Variants in SNTG1 observed in about 807,000 individuals in gnomAD.
SNTG1 encodes the protein gamma-1-syntrophin.
Under a neutral mutation model 74.7 loss-of-function variants are expected in SNTG1, and 39 were observed. The ratio of observed to expected loss-of-function variants is 0.52; its 90% CI spans 0.40 to 0.68. The LOEUF (loss-of-function observed/expected upper bound fraction) is 0.68. Among genes scored for constraint, SNTG1 ranks in the 30% least tolerant of loss-of-function variants. The pLI, the probability that SNTG1 is intolerant of heterozygous loss-of-function variation, is 0.00. For missense variants in SNTG1, 685 were observed against 609.5 expected, an observed-to-expected ratio of 1.12 and a Z score of -1.30; for synonymous variants, 254 against 217.1, an observed-to-expected ratio of 1.17 and a Z score of -1.49.
chr8:50,556,230 G>C (rs533649581), intron 12 of SNTG1, among the ~76,000 whole-genome samples: 16 of 152,212 alleles, frequency 1.1e-4, no homozygotes, highest in African/African-American at 3.6e-4. Flanking sequence ...GAAGGCTTTA[G>C]GGACTTGTCT....
chr8:50,469,873 G>A (rs2093638298), intron 8 of SNTG1, among the ~76,000 whole-genome samples: 1 of 152,114 alleles, frequency 6.6e-6, no homozygotes, highest in Admixed American at 6.5e-5. Flanking sequence ...CAGCTACTCG[G>A]GAGGCTGAGG....
chr8:50,189,410 T>C (rs1291145630), intron 2 of SNTG1, among the ~76,000 whole-genome samples: 1 of 152,106 alleles, frequency 6.6e-6, no homozygotes, highest in Non-Finnish European at 1.5e-5. Flanking sequence ...ATTCGGTAGA[T>C]GTGGGAAGGA....
chr8:50,071,493 T>A (rs1821364202), intron 1 of SNTG1, among the ~76,000 whole-genome samples: 1 of 152,144 alleles, frequency 6.6e-6, no homozygotes, highest in South Asian at 2.1e-4. Flanking sequence ...ATTTATTTAT[T>A]TTTGAGTGGA....
chr8:50,011,606 C>T (rs903590523), intron 1 of SNTG1, among the ~76,000 whole-genome samples: 9 of 143,784 alleles, frequency 6.3e-5, no homozygotes, highest in African/African-American at 2.2e-4. Context: ...GATTCCAGGT[C>T]ACTATCCCAA....
At chr8:50,058,418 T>C (rs895992364) in intron 1 of SNTG1, among the ~76,000 whole-genome samples, 1 of 152,152 alleles carries the variant, frequency 6.6e-6, no homozygotes, top group Non-Finnish European at 1.5e-5. Context: ...TAAGTCTCTA[T>C]TTCCTATAAG....
intron 8 of SNTG1, among the ~76,000 whole-genome samples, chr8:50,486,123 G>A (rs1323394697): frequency 1.3e-5 from 2 of 152,194 alleles, no homozygotes; most frequent in African/African-American, 2.4e-5. Flanking sequence ...GATTGACTTG[G>A]CGATGCAGGC....
At chr8:50,039,207 G>A (rs1818411777) in intron 1 of SNTG1, among the ~76,000 whole-genome samples, 1 of 152,044 alleles carries the variant, frequency 6.6e-6, no homozygotes, top group African/African-American at 2.4e-5. Flanking sequence ...TGTAATCCCA[G>A]CACTTTAGGA....
chr8:49,988,848 T>A (rs1813416574), intron 1 of SNTG1, among the ~76,000 whole-genome samples: 1 of 151,490 alleles, frequency 6.6e-6, no homozygotes, highest in South Asian at 2.1e-4. Flanking sequence ...GTCTTTTTCA[T>A]TAAAAAATGA....
intron 1 of SNTG1, among the ~76,000 whole-genome samples, chr8:50,043,745 G>C (rs775247075): frequency 1.3e-5 from 2 of 152,186 alleles, no homozygotes; most frequent in Non-Finnish European, 2.9e-5. Flanking sequence ...GTCAGAAAGT[G>C]TTGCTTGTGG....
At chr8:50,552,982 T>C (rs2094435741) in intron 11 of SNTG1, 68 bp from the exon 12 acceptor site, 2 of 1,573,210 alleles carry the variant, frequency 1.3e-6, no homozygotes, top group African/African-American at 1.4e-5. Context: ...TTTCAACAGA[T>C]ACTATTACGA....
intron 1 of SNTG1, among the ~76,000 whole-genome samples, chr8:49,993,856 A>C (rs1813922708): frequency 6.6e-6 from 1 of 152,000 alleles, no homozygotes; most frequent in African/African-American, 2.4e-5. Context: ...GTTCTCTGGG[A>C]TTTATGTTGA....
intron 13 of SNTG1, among the ~76,000 whole-genome samples, chr8:50,606,034 G>T (rs578075898): frequency 3.9e-5 from 6 of 152,098 alleles, no homozygotes; most frequent in Non-Finnish European, 7.4e-5. Flanking sequence ...CTAGTATTTT[G>T]TTGAGAGTTT....
chr8:50,313,793 G>A (rs1172943377), intron 2 of SNTG1, among the ~76,000 whole-genome samples: 1 of 149,844 alleles, frequency 6.7e-6, no homozygotes, highest in Non-Finnish European at 1.5e-5. Context: ...AATTGACAGT[G>A]ATCAATATCT....
chr8:50,481,193 C>T (rs1394911489), intron 8 of SNTG1, among the ~76,000 whole-genome samples: 2 of 152,046 alleles, frequency 1.3e-5, no homozygotes, highest in African/African-American at 4.8e-5. Context: ...CCATCCTGGC[C>T]AACATGGTGA....
intron 2 of SNTG1, among the ~76,000 whole-genome samples, chr8:50,371,898 T>G (rs761656396): frequency 1.6e-4 from 24 of 152,272 alleles, no homozygotes; most frequent in Middle Eastern, 3.4e-3. Flanking sequence ...TTTTCCTATT[T>G]TTTTACTGTC....
chr8:50,563,241 C>G (rs2094498096), intron 12 of SNTG1, among the ~76,000 whole-genome samples: 1 of 152,048 alleles, frequency 6.6e-6, no homozygotes, highest in East Asian at 1.9e-4. Context: ...TTAACACAGC[C>G]CATATGGAGC....
At chr8:50,338,400 G>A (rs2091220060) in intron 2 of SNTG1, among the ~76,000 whole-genome samples, 1 of 152,058 alleles carries the variant, frequency 6.6e-6, no homozygotes, top group Admixed American at 6.5e-5. Context: ...CACGGTAAAA[G>A]GCACATAATA....
chr8:50,236,671 C>T (rs1049261541), intron 2 of SNTG1, among the ~76,000 whole-genome samples: 2 of 152,066 alleles, frequency 1.3e-5, no homozygotes, highest in African/African-American at 4.8e-5. Context: ...AGGATGGTCT[C>T]GATCTCCTGA....
rs150096898 is a variant in SNTG1, at chr8:50,004,696, C to T, written c.-103+92465C>T. 5.3e-5 allele frequency among the ~76,000 whole-genome samples: 8 copies of T among 152,278 alleles called. No homozygotes were observed. The East Asian group carries it at 9.6e-4, about 18-fold the overall frequency. On this transcript the variant is annotated intron_variant, in intron 1 of 18. Coordinates refer to ENST00000642720, the MANE Select transcript of SNTG1 (RefSeq NM_018967.5). ...CCAATGTGGTCCAACAATTTCTATG[C>T]GGAGATTTCTGGAGCCTTTAGAGAA...
Sources: allele counts gnomAD v4.1 joint callset (sites outside exome capture counted in the v4.1 genomes callset), GRCh38; gene constraint gnomAD v4.1.1; transcripts MANE v1.5; gene names NCBI Gene and HGNC (gene_info 2026-07-23, HGNC 2026-07-21).